Variants in MGRN1 observed in about 807,000 individuals in gnomAD.
The protein encoded by MGRN1 is E3 ubiquitin-protein ligase MGRN1.
In MGRN1, 29 loss-of-function variants were observed where a neutral mutation model predicts 69.2. The ratio of observed to expected loss-of-function variants is 0.42; its 90% CI spans 0.31 to 0.57. The LOEUF (loss-of-function observed/expected upper bound fraction) is 0.57. Ranked by LOEUF, MGRN1 falls within the 20% of genes least tolerant of loss-of-function variation. The pLI is 0.15. For synonymous variants in MGRN1, 470 were observed against 344.2 expected (o/e 1.37, Z -4.04); for missense variants, 998 against 796.2 (o/e 1.25, Z -3.05).
rs370906836 is a variant in MGRN1 at position 4,673,669 on chromosome 16, G to A, written c.955+12G>A. On this transcript the variant is annotated intron_variant, in intron 10 of 16. Coordinates refer to ENST00000262370, the MANE Select transcript of MGRN1 (RefSeq NM_015246.4). ...CATCTGCCGGCTGCGTGAGTTCCCC[G>A]GCCGGCTGTTCTGTGGAAGGTTCTG... 32 of 1,611,514 alleles carry A rather than the reference G, an allele frequency of 2.0e-5. No individual in the cohort carries two copies. Among genetic ancestry groups the A allele is most frequent in the African/African-American group, 5.3e-5 (4 of 74,898 alleles).
intron 11 of MGRN1, among the ~76,000 whole-genome samples, 169 bp from the exon 12 acceptor site, chr16:4,679,863 A>G (rs968131391): frequency 2.0e-5 from 3 of 152,154 alleles, no homozygotes; most frequent in Non-Finnish European, 4.4e-5. Flanking sequence ...TGGCCCACCC[A>G]GACCCGAGTC....
intron 16 of MGRN1, chr16:4,688,315 C>G (rs2079380081): frequency 2.0e-6 from 2 of 987,508 alleles, no homozygotes; most frequent in Non-Finnish European, 2.4e-6. Flanking sequence ...TGGGAGGCTC[C>G]TCTCTTTGCC....
At chr16:4,686,166 C>T (rs1018909970) in intron 16 of MGRN1, 20 of 1,438,622 alleles carry the variant, frequency 1.4e-5, no homozygotes, top group African/African-American at 8.5e-5. Flanking sequence ...CGGCCTCGAC[C>T]GTGTCCCCAA....
intron 12 of MGRN1, chr16:4,680,308 C>T (rs890170550): frequency 3.8e-5 from 21 of 546,240 alleles, no homozygotes; most frequent in South Asian, 6.7e-5. Flanking sequence ...GCGCTGGCCC[C>T]GCCGCCCTCC....
chr16:4,660,530 C>T lies in MGRN1; in HGVS notation c.561+3167C>T, dbSNP rs372350252. On this transcript the variant is annotated intron_variant, in intron 5 of 16. Transcript: ENST00000262370. ...CTCAGAGGCTCCTCAGAGCACAGAGCGGCCCACGCCAGTGCTGAGGTGCTG... is the reference window on the plus strand; with the variant it reads ...CTCAGAGGCTCCTCAGAGCACAGAGTGGCCCACGCCAGTGCTGAGGTGCTG... Among the ~76,000 whole-genome samples, 19 of 152,368 alleles carry T rather than the reference C, an allele frequency of 1.2e-4. No individual in the cohort carries two copies. The East Asian group carries it at 3.3e-3, about 26-fold the overall frequency.
At chr16:4,677,606 G>A in intron 11 of MGRN1, 34 bp downstream of exon 11, 1 of 1,587,798 alleles carries the variant, frequency 6.3e-7, no homozygotes, top group African/African-American at 1.3e-5. Context: ...GGATGGGCGG[G>A]AGAGGGGCAT....
At chr16:4,655,760 G>T (rs1472064341) in intron 4 of MGRN1, among the ~76,000 whole-genome samples, 15 of 152,228 alleles carry the variant, frequency 9.9e-5, no homozygotes, top group Non-Finnish European at 2.1e-4. Context: ...CAGGCACCCG[G>T]ACACCATCCA....
chr16:4,688,620 A>T (rs2079388820), intron 16 of MGRN1, 176 bp from the exon 17 acceptor site: 11 of 1,395,306 alleles, frequency 7.9e-6, no homozygotes, highest in Non-Finnish European at 1.0e-5. Flanking sequence ...TGGCACAGTT[A>T]GGGAGTCCCC....
chr16:4,688,948 C>T lies in MGRN1; in HGVS notation c.*40C>T. ...TGGCAGCATGGAGCCCTCGGCTCCC[C>T]AGACTTTGCCGAGGGGCTGCTCCGG... On this transcript the variant is annotated 3_prime_UTR_variant, in exon 17 of 17. Transcript: ENST00000262370. 1 of 1,510,596 alleles carries T rather than the reference C, an allele frequency of 6.6e-7. No individual in the cohort carries two copies. Among genetic ancestry groups the T allele is most frequent in the South Asian group, 1.2e-5 (1 of 81,672 alleles). 93.6% of individuals were successfully genotyped at this position (1,510,596 alleles called of 1,614,324 possible).
At chr16:4,639,139 C>T (rs76135234) in intron 1 of MGRN1, among the ~76,000 whole-genome samples, 4,145 of 152,260 alleles carry the variant, frequency 0.027, 204 homozygotes, top group African/African-American at 0.096. Context: ...GTTCATCCAG[C>T]TCTTAGGCAT....
chr16:4,670,966 G>A (rs752953914), intron 8 of MGRN1, among the ~76,000 whole-genome samples: 16 of 152,250 alleles, frequency 1.1e-4, no homozygotes, highest in African/African-American at 2.9e-4. Context: ...TTGCTTTGGC[G>A]TCTTTGAAAC....
At chr16:4,636,961 TACAA>T (rs999573543) in intron 1 of MGRN1, among the ~76,000 whole-genome samples, 5 of 150,278 alleles carry the variant, frequency 3.3e-5, no homozygotes, top group African/African-American at 1.2e-4. Flanking sequence ...CTACTAAAAA[TACAA>T]ACAATTAGCA....
intron 2 of MGRN1, chr16:4,651,041 G>A (rs1253065689): frequency 2.0e-5 from 3 of 152,188 alleles, no homozygotes; most frequent in African/African-American, 7.2e-5. Flanking sequence ...TCTGAGAGGC[G>A]GAGGTGGCAG....
chr16:4,648,591 C>T (rs1424619283), intron 1 of MGRN1, among the ~76,000 whole-genome samples: 10 of 94,592 alleles, frequency 1.1e-4, no homozygotes, highest in Non-Finnish European at 1.6e-4. Flanking sequence ...GTCCTCCTCC[C>T]GGGGCTCTTC....
chr16:4,659,647 C>A (rs1042677478), intron 5 of MGRN1, among the ~76,000 whole-genome samples: 2 of 152,268 alleles, frequency 1.3e-5, no homozygotes, highest in Non-Finnish European at 2.9e-5. Flanking sequence ...AGTGCTGGCT[C>A]GTCTGTGGAT....
intron 11 of MGRN1, among the ~76,000 whole-genome samples, chr16:4,677,832 G>T (rs1291264713): frequency 2.3e-5 from 3 of 132,738 alleles, no homozygotes; most frequent in Non-Finnish European, 5.0e-5. Context: ...GGTGGAGCCA[G>T]GTGCTTTTTT....
chr16:4,653,575 G>A (rs940135499), intron 4 of MGRN1, among the ~76,000 whole-genome samples: 10 of 152,226 alleles, frequency 6.6e-5, no homozygotes, highest in East Asian at 1.9e-4. Context: ...TGCAACCTCC[G>A]CCTCCCGAGT....
rs1003317395 is a variant in MGRN1 at position 4,657,066 on chromosome 16, C to T, written c.444-180C>T. Among the ~76,000 whole-genome samples the T allele has an allele frequency of 9.9e-5, 15 of 152,136 alleles. 1 individual carries two copies. The highest frequency in any genetic ancestry group is 3.9e-4 in the Admixed American group (6 of 15,266). ...AGAGCTGCATGGTGAGCAGAGAGGC[C>T]GTGGAAGGCCCTGGAAGGGTGAGGG... On this transcript the variant is annotated intron_variant, in intron 4 of 16. Transcript: ENST00000262370.
At chr16:4,664,570 G>T in intron 5 of MGRN1, 139 bp from the exon 6 acceptor site, 1 of 800,008 alleles carries the variant, frequency 1.2e-6, no homozygotes. Flanking sequence ...CGCCTTCCCT[G>T]CCATCTCGAG....
Sources: gnomAD v4.1 joint callset for allele counts (sites outside exome capture counted in the v4.1 genomes callset) on GRCh38, gnomAD v4.1.1 for gene constraint, MANE v1.5 for transcripts, NCBI Gene and HGNC (gene_info 2026-07-23, HGNC 2026-07-21) for gene names.